The following GPC6 variants were observed in gnomAD, a reference collection of about 807,000 sequenced individuals.
GPC6 encodes glypican-6.
GPC6 carries 14 observed loss-of-function variants against 55.2 expected under a neutral mutation model. The observed-to-expected ratio is 0.25, with a 90% CI of 0.17 to 0.40. The LOEUF is 0.40. Ranked by LOEUF, GPC6 falls within the 10% of genes least tolerant of loss-of-function variation. The probability of loss-of-function intolerance (pLI) is 1.00; values close to 1 mark genes in which losing one functional copy is unlikely to be tolerated. For missense variants in GPC6, 641 were observed against 708.5 expected (o/e 0.90, Z 1.08); for synonymous variants, 278 against 259.6 (o/e 1.07, Z -0.68).
intron 1 of GPC6, among the ~76,000 whole-genome samples, chr13:93,281,331 G>A (rs1877942424): frequency 6.6e-6 from 1 of 152,182 alleles, no homozygotes; most frequent in Non-Finnish European, 1.5e-5. Context: ...GGTGTCTAGT[G>A]AGGGCCAGCT....
chr13:94,104,929 C>T (rs1885998697), intron 4 of GPC6, among the ~76,000 whole-genome samples: 1 of 152,116 alleles, frequency 6.6e-6, no homozygotes, highest in African/African-American at 2.4e-5. Context: ...CCCCATCAAG[C>T]TATCAATGAC....
chr13:93,621,634 T>C (rs753963255), intron 2 of GPC6, among the ~76,000 whole-genome samples: 34 of 152,084 alleles, frequency 2.2e-4, no homozygotes, highest in Non-Finnish European at 4.0e-4. Flanking sequence ...TTCAAAAATA[T>C]AGTAATAGAG....
chr13:94,175,955 TAG>T (rs1555304120), intron 4 of GPC6, among the ~76,000 whole-genome samples: 4,980 of 78,326 alleles, frequency 0.064, 131 homozygotes, highest in African/African-American at 0.11. Context: ...TATATATATA[TAG>T]AGAGAGAGAG....
rs536546953 is a variant in GPC6, at chr13:93,261,574, C to A, written c.160+33958C>A. 2.0e-5 allele frequency among the ~76,000 whole-genome samples: 3 copies of A among 152,220 alleles called. No homozygotes were observed. The South Asian group carries it at 6.2e-4, about 32-fold the overall frequency. On this transcript the variant is annotated intron_variant, in intron 1 of 8. Transcript: ENST00000377047. ...TTTAGATAAATATATTTTGTAATTT[C>A]TTTGCATGGAATAAAAGAGAAAACA...
chr13:93,699,379 G>C (rs1362607254), intron 2 of GPC6, among the ~76,000 whole-genome samples: 1 of 152,120 alleles, frequency 6.6e-6, no homozygotes, highest in Non-Finnish European at 1.5e-5. Flanking sequence ...ATTTAGGGAA[G>C]GGTAAAGGGA....
At chr13:94,282,153 G>A (rs1356583633) in intron 4 of GPC6, among the ~76,000 whole-genome samples, 1 of 152,146 alleles carries the variant, frequency 6.6e-6, no homozygotes, top group Non-Finnish European at 1.5e-5. Context: ...GGTACTGTGT[G>A]CATTAGTCCA....
chr13:94,368,741 T>G (rs2139189666), intron 6 of GPC6, among the ~76,000 whole-genome samples: 1 of 152,302 alleles, frequency 6.6e-6, no homozygotes, highest in East Asian at 1.9e-4. Flanking sequence ...AGAGAAGCTG[T>G]GAACAGGTAC....
chr13:93,685,255 C>T (rs2138771976), intron 2 of GPC6, among the ~76,000 whole-genome samples: 1 of 152,294 alleles, frequency 6.6e-6, no homozygotes, highest in Admixed American at 6.5e-5. Context: ...GAAGCTTTGG[C>T]TGTTCCAGGT....
At chr13:93,747,047 G>A (rs1414053002) in intron 2 of GPC6, among the ~76,000 whole-genome samples, 1 of 152,178 alleles carries the variant, frequency 6.6e-6, no homozygotes, top group Non-Finnish European at 1.5e-5. Flanking sequence ...TTGAGGAACA[G>A]CTCGAATTAG....
intron 2 of GPC6, among the ~76,000 whole-genome samples, chr13:93,719,389 A>G (rs964170518): frequency 4.0e-5 from 6 of 151,726 alleles, no homozygotes; most frequent in South Asian, 2.1e-4. Flanking sequence ...CTGTTTGTCT[A>G]TTATTGGTGT....
At chr13:93,765,310 T>TAAGCTGTCTGGAAAGACCAC (rs1361108806) in intron 2 of GPC6, among the ~76,000 whole-genome samples, 1 of 38,418 alleles carries the variant, frequency 2.6e-5, no homozygotes. Context: ...AGACAACTTA[T>TAAGCTGTCTGGAAAGACCAC]TTGGTTTAAG....
At chr13:93,811,960 A>G (rs1886706272) in intron 2 of GPC6, among the ~76,000 whole-genome samples, 1 of 152,090 alleles carries the variant, frequency 6.6e-6, no homozygotes, top group South Asian at 2.1e-4. Context: ...ATCTCAGCTG[A>G]CCTTGGCACC....
chr13:94,262,004 G>A (rs772520875), intron 4 of GPC6, among the ~76,000 whole-genome samples: 3 of 152,178 alleles, frequency 2.0e-5, no homozygotes, highest in Non-Finnish European at 4.4e-5. Flanking sequence ...CAGAGTGACT[G>A]AAGGAACAAG....
At chr13:93,927,687 G>GAAA (rs10592821) in intron 3 of GPC6, among the ~76,000 whole-genome samples, 1 of 135,418 alleles carries the variant, frequency 7.4e-6, no homozygotes. Context: ...CCTTCTTTGT[G>GAAA]AAAAAAAAAA....
intron 1 of GPC6, among the ~76,000 whole-genome samples, chr13:93,412,914 T>C (rs1272485816): frequency 2.0e-5 from 3 of 152,172 alleles, no homozygotes; most frequent in Non-Finnish European, 4.4e-5. Flanking sequence ...TAACAAACTG[T>C]GATGATTAGA....
chr13:93,420,615 G>A (rs986218747), intron 1 of GPC6, among the ~76,000 whole-genome samples: 13 of 152,170 alleles, frequency 8.5e-5, no homozygotes, highest in African/African-American at 3.1e-4. Flanking sequence ...AAGAAGGAAA[G>A]TGACATCTAA....
intron 1 of GPC6, among the ~76,000 whole-genome samples, chr13:93,480,470 T>C (rs1369150846): frequency 6.6e-6 from 1 of 152,204 alleles, no homozygotes; most frequent in Admixed American, 6.5e-5. Flanking sequence ...AAGAACGTGA[T>C]TTTTGGAAAA....
At chr13:93,755,843 T>C (rs1432277663) in intron 2 of GPC6, among the ~76,000 whole-genome samples, 1 of 152,320 alleles carries the variant, frequency 6.6e-6, no homozygotes, top group East Asian at 1.9e-4. Flanking sequence ...TTGTATGTTA[T>C]ACATTCAACA....
At chr13:93,882,983 T>C (rs1047843995) in intron 3 of GPC6, among the ~76,000 whole-genome samples, 1 of 152,200 alleles carries the variant, frequency 6.6e-6, no homozygotes, top group Non-Finnish European at 1.5e-5. Flanking sequence ...CAGAGGTTTT[T>C]AATTTTTTTC....
Sources: gnomAD v4.1 joint callset for allele counts (sites outside exome capture counted in the v4.1 genomes callset) on GRCh38, gnomAD v4.1.1 for gene constraint, MANE v1.5 for transcripts, NCBI Gene and HGNC (gene_info 2026-07-23, HGNC 2026-07-21) for gene names.